IFRD1: variants seen among roughly 807,000 people sequenced by gnomAD.
IFRD1 encodes interferon related developmental regulator 1.
A neutral mutation model predicts 52.9 loss-of-function variants in IFRD1; 35 were observed. The observed-to-expected ratio is 0.66, with a 90% confidence interval of 0.51 to 0.88. IFRD1 has a LOEUF of 0.88. Among genes scored for constraint, IFRD1 ranks in the 40% least tolerant of loss-of-function variants. The pLI, the probability that IFRD1 is intolerant of heterozygous loss-of-function variation, is 0.00. For synonymous variants in IFRD1, 184 were observed against 188.4 expected (o/e 0.98, Z 0.19); for missense variants, 517 against 550.8 (o/e 0.94, Z 0.61).
At chr7:112,472,482 G>C in intron 10 of IFRD1, 135 bp downstream of exon 10, 1 of 998,336 alleles carries the variant, frequency 1.0e-6, no homozygotes, top group East Asian at 2.5e-5. Context: ...ACTTGTTTTT[G>C]AAAGTAGACT....
intron 1 of IFRD1, among the ~76,000 whole-genome samples, chr7:112,445,041 A>AATC (rs1338846367): frequency 6.6e-6 from 1 of 151,394 alleles, no homozygotes; most frequent in African/African-American, 2.4e-5. Flanking sequence ...GCAAACTTGG[A>AATC]ATCAGATAGG....
At chr7:112,442,161 C>T (rs1794906180) in intron 1 of IFRD1, among the ~76,000 whole-genome samples, 1 of 152,098 alleles carries the variant, frequency 6.6e-6, no homozygotes, top group South Asian at 2.1e-4. Flanking sequence ...CAGTATATGG[C>T]CTCCAATAAG....
rs781514327 is a variant in IFRD1 at position 112,462,258 on chromosome 7, AC to A, written c.798-11del. ...GGTTGTATTCACATAGTAATGACTA[AC>A]TATTTTTTAGGCATTTCCATAAGCT... On this transcript the variant is annotated splice_polypyrimidine_tract_variant and intron_variant, in intron 7 of 11. Coordinates refer to ENST00000403825, the MANE Select transcript of IFRD1 (RefSeq NM_001550.4). 33 of 1,611,208 alleles carry A rather than the reference AC, an allele frequency of 2.0e-5. No homozygotes were observed. Among genetic ancestry groups the A allele is most frequent in the Non-Finnish European group, 2.7e-5 (32 of 1,177,738 alleles).
chr7:112,456,487 T>C (rs1795293926), intron 3 of IFRD1, among the ~76,000 whole-genome samples: 1 of 152,204 alleles, frequency 6.6e-6, no homozygotes, highest in Non-Finnish European at 1.5e-5. Flanking sequence ...ATGTCAAAGC[T>C]AGATTGTTTC....
chr7:112,426,110 G>C (rs1283104533), intron 1 of IFRD1, among the ~76,000 whole-genome samples: 1 of 152,142 alleles, frequency 6.6e-6, no homozygotes, highest in Non-Finnish European at 1.5e-5. Flanking sequence ...CTGCTTGGGA[G>C]ACTGAGGTGG....
intron 11 of IFRD1, 32 bp from the exon 12 acceptor site, chr7:112,475,398 C>G (rs1795874716): frequency 8.1e-7 from 1 of 1,228,588 alleles, no homozygotes; most frequent in African/African-American, 1.5e-5. Flanking sequence ...TTAAGTCTTA[C>G]TGATGCACGT....
chr7:112,466,617 TGA>T (rs1409152427), intron 8 of IFRD1, among the ~76,000 whole-genome samples: 1 of 152,170 alleles, frequency 6.6e-6, no homozygotes, highest in Non-Finnish European at 1.5e-5. Flanking sequence ...CATCCCCAGT[TGA>T]TAATCACTGG....
intron 8 of IFRD1, among the ~76,000 whole-genome samples, chr7:112,462,833 A>G (rs1438297433): frequency 6.1e-5 from 3 of 48,792 alleles, no homozygotes; most frequent in African/African-American, 3.7e-4. Context: ...AACACTGCTC[A>G]TTAAGACTGG....
chr7:112,475,213 C>A (rs532810479), intron 11 of IFRD1, among the ~76,000 whole-genome samples: 139 of 152,314 alleles, frequency 9.1e-4, no homozygotes, highest in Non-Finnish European at 7.4e-5. Flanking sequence ...CCACCTCGGC[C>A]TCCCAGAGTG....
At chr7:112,461,748 G>A in intron 5 of IFRD1, 118 bp from the exon 6 acceptor site, 1 of 570,292 alleles carries the variant, frequency 1.8e-6, no homozygotes, top group South Asian at 2.7e-5. Flanking sequence ...ATAATGTTTG[G>A]GACCTAATAT....
At chr7:112,474,501 A>C (rs1278999721) in intron 11 of IFRD1, among the ~76,000 whole-genome samples, 5 of 152,220 alleles carry the variant, frequency 3.3e-5, no homozygotes, top group Non-Finnish European at 7.3e-5. Context: ...TTATATCCAC[A>C]TAATTGTTTC....
chr7:112,434,393 T>C (rs1370704806), intron 1 of IFRD1, among the ~76,000 whole-genome samples: 1 of 152,150 alleles, frequency 6.6e-6, no homozygotes, highest in African/African-American at 2.4e-5. Flanking sequence ...TTCTTAAAAT[T>C]TGTATGAATT....
intron 1 of IFRD1, among the ~76,000 whole-genome samples, chr7:112,443,127 C>T (rs910248548): frequency 1.2e-4 from 18 of 152,280 alleles, no homozygotes; most frequent in African/African-American, 4.3e-4. Flanking sequence ...GATTTGAACC[C>T]TGGAATACTG....
rs1223188763 is a variant in IFRD1, at chr7:112,455,792, A to G, written c.124A>G (p.Ser42Gly). 1.2e-6 allele frequency: 2 copies of G among 1,612,842 alleles called. No individual in the cohort carries two copies. Among genetic ancestry groups the G allele is most frequent in the Non-Finnish European group, 1.7e-6 (2 of 1,178,846 alleles). The change falls in exon 2 of 12, where the codon AGT becomes GGT. Residue 42 changes from serine to glycine, a missense_variant. Ser to Gly is a moderately conservative substitution (Grantham distance 56). Transcript: ENST00000403825. Reference sequence around the variant, plus strand: ...CCAGCATCGAAATGTTCAGCCTTTTAGTGATGAAGATGCATCAATTGAAAC... The same window carrying G: ...CCAGCATCGAAATGTTCAGCCTTTTGGTGATGAAGATGCATCAATTGAAAC... ...GGQHRNVQPF[S>G]DEDASIETMS... is the part of the protein sequence containing the mutation.
intron 1 of IFRD1, among the ~76,000 whole-genome samples, chr7:112,444,911 T>C (rs1395521875): frequency 1.3e-5 from 2 of 152,060 alleles, no homozygotes; most frequent in African/African-American, 4.8e-5. Flanking sequence ...TATAACCATG[T>C]AACAAACCTG....
intron 8 of IFRD1, among the ~76,000 whole-genome samples, chr7:112,465,665 A>G (rs1049655437): frequency 3.3e-5 from 5 of 152,194 alleles, no homozygotes; most frequent in East Asian, 1.9e-4. Flanking sequence ...TAACTGTTAT[A>G]TAAGAGGAGC....
chr7:112,448,434 A>G (rs1355875356), upstream of IFRD1, among the ~76,000 whole-genome samples: 1 of 152,186 alleles, frequency 6.6e-6, no homozygotes, highest in African/African-American at 2.4e-5. Flanking sequence ...TGCCTTATGT[A>G]TAGTATAAAT....
intron 1 of IFRD1, among the ~76,000 whole-genome samples, chr7:112,439,813 A>G (rs1450548835): frequency 6.6e-6 from 1 of 152,196 alleles, no homozygotes; most frequent in African/African-American, 2.4e-5. Context: ...CAATTAAAAG[A>G]GGAATCGATT....
chr7:112,441,574 T>C (rs1439657009), intron 1 of IFRD1, among the ~76,000 whole-genome samples: 2 of 152,236 alleles, frequency 1.3e-5, no homozygotes, highest in Non-Finnish European at 2.9e-5. Flanking sequence ...TCTGCTTCTC[T>C]CTACAGTCCT....
Sources: gnomAD v4.1 joint callset for allele counts (sites outside exome capture counted in the v4.1 genomes callset) on GRCh38, gnomAD v4.1.1 for gene constraint, MANE v1.5 for transcripts, NCBI Gene and HGNC (gene_info 2026-07-23, HGNC 2026-07-21) for gene names.